DNER: variants seen among roughly 807,000 people sequenced by gnomAD.
The protein encoded by DNER is delta and Notch-like epidermal growth factor-related receptor.
A neutral mutation model predicts 78.2 loss-of-function variants in DNER; 33 were observed. The observed-to-expected ratio is 0.42, with a 90% confidence interval of 0.32 to 0.56. DNER has a LOEUF of 0.56. DNER is among the 20% of genes least tolerant of loss of function. DNER has a pLI of 0.11. For missense variants in DNER, 918 were observed against 975.3 expected (o/e 0.94, Z 0.78); for synonymous variants, 417 against 384.8 (o/e 1.08, Z -0.98).
intron 7 of DNER, among the ~76,000 whole-genome samples, chr2:229,451,415 C>T (rs763754262): frequency 1.4e-4 from 22 of 152,198 alleles, no homozygotes; most frequent in Non-Finnish European, 2.6e-4. Context: ...CGAGATAGTG[C>T]CACTGCACTA....
rs1355234648 is a variant in DNER, at chr2:229,358,576, T to C, written c.2178A>G (p.Lys726=). 1 of 1,613,386 alleles carries C rather than the reference T, an allele frequency of 6.2e-7. No individual in the cohort carries two copies. The highest frequency in any genetic ancestry group is 8.5e-7 in the Non-Finnish European group (1 of 1,179,740). The change falls in exon 13 of 13, where the codon AAA becomes AAG. Residue 726 remains lysine (K), a synonymous_variant. Transcript: ENST00000341772. ...TAGTTTTAATCAGTGTGACCAAGGG[T>C]TTGTCATCAGGACTGTAATCTTCAT... ...IAYEDYSPDD[K]PLVTLIKTKD...
At chr2:229,400,895 T>C (rs1012756471) in intron 10 of DNER, among the ~76,000 whole-genome samples, 3 of 152,046 alleles carry the variant, frequency 2.0e-5, no homozygotes, top group Non-Finnish European at 4.4e-5. Flanking sequence ...AGTAACATTA[T>C]AGTAGAGAAA....
At position 229,552,570 on chromosome 2, in the gene DNER, G is replaced by T. The variant is rs138839174; in HGVS notation, c.848-5478C>A. Among the ~76,000 whole-genome samples the T allele has an allele frequency of 2.4e-3, 362 of 152,210 alleles. 2 individuals carry two copies. Among genetic ancestry groups the T allele is most frequent in the African/African-American group, 8.1e-3 (336 of 41,516 alleles). ...ATGAGATCTGATGGTTTTATAAGGGGCTTTTCCCCCTTTTTCTCAGCACTT... is the reference window on the plus strand; with the variant it reads ...ATGAGATCTGATGGTTTTATAAGGGTCTTTTCCCCCTTTTTCTCAGCACTT... On this transcript the variant is annotated intron_variant, in intron 4 of 12. Coordinates refer to ENST00000341772, the MANE Select transcript of DNER (RefSeq NM_139072.4).
At chr2:229,460,724 C>G (rs900960697) in intron 7 of DNER, among the ~76,000 whole-genome samples, 19 of 152,060 alleles carry the variant, frequency 1.2e-4, no homozygotes, top group Non-Finnish European at 2.1e-4. Context: ...ATTGGTGGCT[C>G]TTAGCTACAA....
intron 1 of DNER, among the ~76,000 whole-genome samples, chr2:229,625,396 C>T (rs1698320665): frequency 6.6e-6 from 1 of 152,172 alleles, no homozygotes; most frequent in Admixed American, 6.5e-5. Context: ...TCCTTACCAA[C>T]ATCTACTGAC....
intron 4 of DNER, among the ~76,000 whole-genome samples, chr2:229,584,235 AC>A (rs199949957): frequency 0.025 from 3,735 of 152,292 alleles, 158 homozygotes; most frequent in African/African-American, 0.086. Context: ...ATTTAAGCTG[AC>A]AAACAACCCT....
At chr2:229,582,302 T>G (rs1012013383) in intron 4 of DNER, among the ~76,000 whole-genome samples, 9 of 152,048 alleles carry the variant, frequency 5.9e-5, no homozygotes, top group African/African-American at 2.2e-4. Context: ...ACATCTTGTT[T>G]CTGAAGGATG....
At chr2:229,615,667 G>A (rs567083339) in intron 1 of DNER, among the ~76,000 whole-genome samples, 44 of 152,218 alleles carry the variant, frequency 2.9e-4, no homozygotes, top group Admixed American at 5.2e-4. Context: ...AGCAGAGACC[G>A]TGCCACTGCA....
intron 8 of DNER, among the ~76,000 whole-genome samples, chr2:229,435,345 T>A (rs1438522180): frequency 2.0e-5 from 3 of 152,066 alleles, no homozygotes; most frequent in African/African-American, 7.2e-5. Flanking sequence ...CACAAAAGCA[T>A]GAGTGGGCAC....
intron 10 of DNER, among the ~76,000 whole-genome samples, chr2:229,389,555 T>A (rs544795072): frequency 6.6e-6 from 1 of 152,292 alleles, no homozygotes; most frequent in African/African-American, 2.4e-5. Context: ...CTAAAGCATA[T>A]GGACAAAATC....
chr2:229,464,921 C>G (rs923597632), intron 7 of DNER, among the ~76,000 whole-genome samples: 1 of 151,978 alleles, frequency 6.6e-6, no homozygotes, highest in Non-Finnish European at 1.5e-5. Context: ...AATTTCTAAG[C>G]CTTTGGCATG....
chr2:229,425,237 C>T (rs548005542), intron 8 of DNER, among the ~76,000 whole-genome samples: 13 of 152,168 alleles, frequency 8.5e-5, no homozygotes, highest in East Asian at 3.9e-4. Flanking sequence ...TGAGATAGAG[C>T]GGAGTAAGAA....
At chr2:229,539,531 C>T (rs1234687285) in intron 5 of DNER, among the ~76,000 whole-genome samples, 1 of 152,224 alleles carries the variant, frequency 6.6e-6, no homozygotes, top group East Asian at 1.9e-4. Context: ...TTTTGTAAAA[C>T]TAAATTCACC....
intron 8 of DNER, among the ~76,000 whole-genome samples, chr2:229,425,410 C>T (rs532493651): frequency 1.4e-4 from 22 of 152,114 alleles, no homozygotes; most frequent in Middle Eastern, 3.2e-3. Flanking sequence ...AGACCACAGC[C>T]CTACAGCCTT....
chr2:229,358,351 T>A lies in DNER; in HGVS notation c.*189A>T. On this transcript the variant is annotated 3_prime_UTR_variant, in exon 13 of 13. Coordinates refer to ENST00000341772, the MANE Select transcript of DNER (RefSeq NM_139072.4). ...GCTGAAGGTACATTAAAACATCGTCTATAGGTTTCACAAATTTTGTTTTTA... is the reference window on the plus strand; with the variant it reads ...GCTGAAGGTACATTAAAACATCGTCAATAGGTTTCACAAATTTTGTTTTTA... 2.1e-6 allele frequency: 1 copy of A among 477,222 alleles called. No homozygotes were observed. Among genetic ancestry groups the A allele is most frequent in the Non-Finnish European group, 3.7e-6 (1 of 271,398 alleles). 29.6% of individuals were successfully genotyped at this position (477,222 alleles called of 1,614,324 possible).
Position 229,429,028 on chromosome 2 carries a change from G to A in DNER, c.1487-10798C>T, listed in dbSNP as rs73100290. 3.6e-3 allele frequency among the ~76,000 whole-genome samples: 545 copies of A among 152,284 alleles called. 4 individuals carry two copies. Among genetic ancestry groups the A allele is most frequent in the African/African-American group, 0.012 (502 of 41,566 alleles). ...ATTACACTGGGCAGACAGCAAGGTC[G>A]CTGCCAGAAATGTTGTGGGCCCCTG... On this transcript the variant is annotated intron_variant, in intron 8 of 12. Coordinates refer to ENST00000341772, the MANE Select transcript of DNER (RefSeq NM_139072.4).
chr2:229,668,407 A>T (rs1261523925), intron 1 of DNER, among the ~76,000 whole-genome samples: 1 of 103,078 alleles, frequency 9.7e-6, no homozygotes, highest in Admixed American at 1.3e-4. Flanking sequence ...GAATACACAT[A>T]AAATATTCTT....
chr2:229,708,223 G>A (rs1388462270), intron 1 of DNER, among the ~76,000 whole-genome samples: 12 of 152,176 alleles, frequency 7.9e-5, no homozygotes, highest in Non-Finnish European at 1.5e-5. Context: ...CACTGAACAG[G>A]CTATGAAGGA....
At chr2:229,368,803 G>T (rs748889416) in intron 11 of DNER, among the ~76,000 whole-genome samples, 2 of 152,202 alleles carry the variant, frequency 1.3e-5, no homozygotes, top group Non-Finnish European at 2.9e-5. Flanking sequence ...ATACAAGTCA[G>T]AATCTGAGGT....
Sources: allele counts gnomAD v4.1 joint callset (sites outside exome capture counted in the v4.1 genomes callset), GRCh38; gene constraint gnomAD v4.1.1; transcripts MANE v1.5; gene names NCBI Gene and HGNC (gene_info 2026-07-23, HGNC 2026-07-21).